The following NUP62CL variants were observed in gnomAD, a reference collection of about 807,000 sequenced individuals.
NUP62CL encodes the protein nucleoporin-62 C-terminal-like protein.
Under a neutral mutation model 15.3 loss-of-function variants are expected in NUP62CL, and 13 were observed. That is an observed-to-expected ratio of 0.85 (90% CI 0.55 to 1.35). The LOEUF (loss-of-function observed/expected upper bound fraction) is 1.35, where lower values mean the gene tolerates loss of function less well. NUP62CL is among the 40% of genes most tolerant of loss of function. The pLI is 0.00. For synonymous variants in NUP62CL, 54 were observed against 49.2 expected (o/e 1.10, Z -0.41); for missense variants, 123 against 130.6 (o/e 0.94, Z 0.28).
At chrX:107,124,465 C>A in intron 8 of NUP62CL, 133 bp from the exon 9 acceptor site, 19 of 291,957 alleles carry the variant, frequency 6.5e-5, no homozygotes, top group Middle Eastern at 4.8e-4. Flanking sequence ...TTTTAGAAAA[C>A]ACATAAGAAA....
chrX:107,165,829 T>A (rs1335873476), intron 4 of NUP62CL, among the ~76,000 whole-genome samples: 1 of 111,788 alleles, frequency 8.9e-6, no homozygotes, highest in African/African-American at 3.2e-5. Context: ...ATAAATGATG[T>A]TGGAAAAACT....
chrX:107,148,572 TC>T lies in NUP62CL; in HGVS notation c.531-764del, dbSNP rs200629836. On this transcript the variant is annotated intron_variant, in intron 7 of 8. Transcript: ENST00000372466. ...ATAGAATACAAAAAGTTATATAGTT[TC>T]CAGTACTCTTTAATACAAAAGAAGT... 2.5e-3 allele frequency among the ~76,000 whole-genome samples: 280 copies of T among 111,658 alleles called. 1 individual carries two copies. Among genetic ancestry groups the T allele is most frequent in the African/African-American group, 7.8e-3 (242 of 30,867 alleles).
intron 4 of NUP62CL, among the ~76,000 whole-genome samples, chrX:107,164,825 G>C (rs1361731092): frequency 8.8e-6 from 1 of 113,178 alleles, no homozygotes; most frequent in Non-Finnish European, 1.9e-5. Flanking sequence ...CTTTAGCTGG[G>C]CGCAGTGGCT....
At chrX:107,156,266 G>A (rs1308184915) in intron 4 of NUP62CL, among the ~76,000 whole-genome samples, 1 of 110,055 alleles carries the variant, frequency 9.1e-6, no homozygotes, top group Non-Finnish European at 1.9e-5. Flanking sequence ...CTCCAACTGG[G>A]TGGAGCCCAC....
At chrX:107,138,878 G>A (rs1925702989) in intron 8 of NUP62CL, among the ~76,000 whole-genome samples, 1 of 111,981 alleles carries the variant, frequency 8.9e-6, no homozygotes, top group East Asian at 2.8e-4. Context: ...TATTCATAAT[G>A]TCCTAAAACT....
rs1406305801 is a variant in NUP62CL at position 107,167,797 on chromosome X, G to A, written c.59-13C>T. 1.7e-6 allele frequency: 2 copies of A among 1,179,619 alleles called. No homozygotes were observed. The highest frequency in any genetic ancestry group is 3.8e-5 in the South Asian group (2 of 52,649). ...GTTGAAGTTGTAACTGGAAAATAAA[G>A]TGTATAATGTTAGTAAGAAATGAGA... On this transcript the variant is annotated splice_polypyrimidine_tract_variant and intron_variant, in intron 3 of 8. Transcript: ENST00000372466.
intron 1 of NUP62CL, among the ~76,000 whole-genome samples, chrX:107,204,855 TA>T (rs1370701660): frequency 1.2e-5 from 1 of 82,105 alleles, no homozygotes; most frequent in Non-Finnish European, 2.1e-5. Flanking sequence ...TTTATTTAAA[TA>T]AATTTTAAAT....
At chrX:107,179,375 A>T (rs1189780731) in intron 2 of NUP62CL, among the ~76,000 whole-genome samples, 1 of 111,492 alleles carries the variant, frequency 9.0e-6, no homozygotes, top group Non-Finnish European at 1.9e-5. Context: ...TAGTGAACAC[A>T]GTACCCAATA....
chrX:107,160,638 G>T (rs1478990167), intron 4 of NUP62CL, among the ~76,000 whole-genome samples: 2 of 110,884 alleles, frequency 1.8e-5, no homozygotes, highest in East Asian at 2.8e-4. Flanking sequence ...ATTCAAGATG[G>T]ATTAAAGATT....
chrX:107,169,115 G>A (rs919588872), intron 3 of NUP62CL, among the ~76,000 whole-genome samples: 1 of 111,249 alleles, frequency 9.0e-6, no homozygotes, highest in Non-Finnish European at 1.9e-5. Context: ...TTAGCAATAC[G>A]GAAAAATCTG....
intron 2 of NUP62CL, among the ~76,000 whole-genome samples, chrX:107,182,538 T>A (rs747367372): frequency 1.1e-4 from 12 of 107,663 alleles, no homozygotes; most frequent in East Asian, 3.0e-4. Context: ...CAGTTTTTTT[T>A]AAAAGAATAG....
chrX:107,198,307 C>T (rs910700390), intron 1 of NUP62CL, among the ~76,000 whole-genome samples: 4 of 111,804 alleles, frequency 3.6e-5, no homozygotes, highest in African/African-American at 1.3e-4. Flanking sequence ...GTAAAATGGA[C>T]CCATCAGCAC....
At chrX:107,186,822 C>A (rs1216359426) in intron 2 of NUP62CL, among the ~76,000 whole-genome samples, 1 of 111,189 alleles carries the variant, frequency 9.0e-6, no homozygotes, top group Non-Finnish European at 1.9e-5. Flanking sequence ...TGCTTGAATG[C>A]GGGAGGCGGA....
chrX:107,185,986 A>G (rs1398682242), intron 2 of NUP62CL, among the ~76,000 whole-genome samples: 1 of 111,939 alleles, frequency 8.9e-6, no homozygotes, highest in Non-Finnish European at 1.9e-5. Context: ...ACAGAGGAGG[A>G]TATTTACAAT....
chrX:107,175,286 A>T, intron 2 of NUP62CL, 93 bp from the exon 3 acceptor site: 1 of 471,366 alleles, frequency 2.1e-6, no homozygotes. Context: ...AATATGGAGA[A>T]ATAAAAACAA....
intron 7 of NUP62CL, among the ~76,000 whole-genome samples, chrX:107,152,081 TATATATATATATATTCAG>T (rs1284031899): frequency 6.2e-4 from 44 of 70,667 alleles, no homozygotes; most frequent in African/African-American, 1.4e-3. Flanking sequence ...TATATTCAGA[TATATATATATATATTCAG>T]ATATATATAT....
intron 1 of NUP62CL, among the ~76,000 whole-genome samples, chrX:107,204,795 T>TATTTAAATAAATTTTAAATAAATC (rs1927602835): frequency 1.1e-5 from 1 of 89,864 alleles, no homozygotes; most frequent in Non-Finnish European, 2.0e-5. Context: ...TTAAATAAAT[T>TATTTAAATAAATTTTAAATAAATC]ATTTAAATAA....
chrX:107,180,314 C>T lies in NUP62CL; in HGVS notation c.-47-5121G>A, dbSNP rs755637823. ...CTGGAAATTTAGCCACAAAAATATA[C>T]TTGAATACCTGTAAAATGACATGTA... is the stretch of plus-strand genomic sequence containing the variant. On this transcript the variant is annotated intron_variant, in intron 2 of 8. Transcript: ENST00000372466. 2.9e-3 allele frequency among the ~76,000 whole-genome samples: 327 copies of T among 111,858 alleles called. 2 individuals are homozygous for T. Among genetic ancestry groups the T allele is most frequent in the African/African-American group, 0.01 (309 of 30,825 alleles).
chrX:107,172,805 A>G (rs1458919591), intron 3 of NUP62CL, among the ~76,000 whole-genome samples: 2 of 112,342 alleles, frequency 1.8e-5, no homozygotes, highest in Non-Finnish European at 3.8e-5. Flanking sequence ...GCCTGTAGTC[A>G]TCTCAAAGAA....
Sources: gnomAD v4.1 joint callset for allele counts (sites outside exome capture counted in the v4.1 genomes callset) on GRCh38, gnomAD v4.1.1 for gene constraint, MANE v1.5 for transcripts, NCBI Gene and HGNC (gene_info 2026-07-23, HGNC 2026-07-21) for gene names.